PLIN3: variants seen among roughly 807,000 people sequenced by gnomAD.
The protein encoded by PLIN3 is perilipin-3.
Under a neutral mutation model 35.9 loss-of-function variants are expected in PLIN3, and 30 were observed. The ratio of observed to expected loss-of-function variants is 0.84; its 90% confidence interval spans 0.62 to 1.13. The LOEUF (loss-of-function observed/expected upper bound fraction) is 1.13. PLIN3 is among the 50% of genes most tolerant of loss of function. PLIN3 has a pLI of 0.00. For missense variants in PLIN3, 603 were observed against 596.9 expected (o/e 1.01, Z -0.11); for synonymous variants, 261 against 262.5 (o/e 0.99, Z 0.06).
chr19:4,848,462 G>C (rs2030180189), intron 5 of PLIN3, among the ~76,000 whole-genome samples: 1 of 152,228 alleles, frequency 6.6e-6, no homozygotes, highest in Non-Finnish European at 1.5e-5. Flanking sequence ...GGCCAGACCT[G>C]CCTTGGACAA....
intron 7 of PLIN3, among the ~76,000 whole-genome samples, chr19:4,843,316 G>C (rs907792695): frequency 4.6e-5 from 7 of 152,066 alleles, no homozygotes; most frequent in East Asian, 3.9e-4. Flanking sequence ...ACCATCCCGG[G>C]TAACACGGTG....
rs749785698 is a variant in PLIN3, at chr19:4,838,675, G to A, written c.*517C>T. On this transcript the variant is annotated 3_prime_UTR_variant, in exon 8 of 8. Transcript: ENST00000221957. ...GGCTCACTGCAACCTCCGCCTCTCA[G>A]GTTCAAGAGATTCTCTTGCCTCAGC... is the stretch of plus-strand genomic sequence containing the variant. The A allele has an allele frequency of 4.0e-5, 6 of 150,800 alleles. No homozygotes were observed. The highest frequency in any genetic ancestry group is 6.7e-5 in the Admixed American group (1 of 14,978). 9.3% of individuals were successfully genotyped at this position (150,800 alleles called of 1,614,324 possible). A position where few individuals can be genotyped will look rare whatever the true frequency, so the allele number is the denominator to read the frequency against.
chr19:4,856,706 T>G (rs1490995466), intron 4 of PLIN3, among the ~76,000 whole-genome samples: 2 of 126,402 alleles, frequency 1.6e-5, no homozygotes, highest in Non-Finnish European at 1.7e-5. Context: ...AAGGAGGGTG[T>G]TTTTTTTTTT....
chr19:4,851,706 G>A (rs570602269), intron 5 of PLIN3, among the ~76,000 whole-genome samples: 3 of 152,132 alleles, frequency 2.0e-5, no homozygotes, highest in Admixed American at 6.6e-5. Flanking sequence ...GGGCTGTGAC[G>A]AGGACTTGGG....
intron 5 of PLIN3, 100 bp downstream of exon 5, chr19:4,851,916 G>C (rs543999126): frequency 2.4e-6 from 3 of 1,258,732 alleles, no homozygotes; most frequent in Non-Finnish European, 3.3e-6. Flanking sequence ...GCAGGGACGA[G>C]GCGGCAGTGA....
rs756489296 is a variant in PLIN3 at position 4,847,872 on chromosome 19, A to G, written c.653T>C (p.Leu218Pro). The change falls in exon 6 of 8, where the codon CTG becomes CCG. Residue 218 changes from leucine to proline, a missense_variant. By Grantham distance (98) the Leu-to-Pro change is moderately conservative. Transcript: ENST00000221957. ...CACGGACGCGACGTCAAAGCCATCC[A>G]GGGATGTGGCGATGCGGGCTGCAAG... ...DAELARIATS[L>P]DGFDVASVQQ... 1.1e-5 allele frequency: 17 copies of G among 1,613,760 alleles called. No homozygotes were observed. The highest frequency in any genetic ancestry group is 1.4e-5 in the Non-Finnish European group (16 of 1,179,874).
intron 1 of PLIN3, among the ~76,000 whole-genome samples, chr19:4,864,923 G>A (rs1196432003): frequency 1.3e-5 from 2 of 152,120 alleles, no homozygotes; most frequent in African/African-American, 2.4e-5. Context: ...CGGGCATGGT[G>A]GCTCACACCT....
At chr19:4,853,114 T>C (rs1453799673) in intron 4 of PLIN3, among the ~76,000 whole-genome samples, 2 of 35,064 alleles carry the variant, frequency 5.7e-5, no homozygotes, top group Non-Finnish European at 1.1e-4. Flanking sequence ...ACTCTGCCTG[T>C]TTTTTGTTTT....
chr19:4,849,275 C>A (rs2030207546), intron 5 of PLIN3, among the ~76,000 whole-genome samples: 1 of 151,714 alleles, frequency 6.6e-6, no homozygotes, highest in Admixed American at 6.6e-5. Flanking sequence ...ACCTGGCTTC[C>A]TGTACCTTTT....
At chr19:4,849,482 AAATTT>A (rs941974417) in intron 5 of PLIN3, among the ~76,000 whole-genome samples, 1 of 151,420 alleles carries the variant, frequency 6.6e-6, no homozygotes, top group Non-Finnish European at 1.5e-5. Context: ...GCTAATTTTT[AAATTT>A]TTTGTAGAGA....
intron 4 of PLIN3, among the ~76,000 whole-genome samples, chr19:4,853,189 G>A (rs943810213): frequency 2.3e-4 from 34 of 150,718 alleles, no homozygotes; most frequent in Non-Finnish European, 4.4e-4. Context: ...GGTGGAGTGC[G>A]GTGGCACAAT....
At chr19:4,853,301 CT>C (rs2030365397) in intron 4 of PLIN3, among the ~76,000 whole-genome samples, 1 of 151,822 alleles carries the variant, frequency 6.6e-6, no homozygotes, top group Non-Finnish European at 1.5e-5. Context: ...CCACTCGTGG[CT>C]ATTTTTTATC....
At chr19:4,846,578 G>A (rs1470532871) in intron 6 of PLIN3, among the ~76,000 whole-genome samples, 5 of 151,804 alleles carry the variant, frequency 3.3e-5, no homozygotes, top group Non-Finnish European at 1.5e-5. Context: ...AAGTGCCTGT[G>A]ATCCCAGCTA....
chr19:4,861,441 C>T, intron 1 of PLIN3, 30 bp from the exon 2 acceptor site: 1 of 1,527,252 alleles, frequency 6.5e-7, no homozygotes, highest in Non-Finnish European at 9.0e-7. Flanking sequence ...CAGGTACAGC[C>T]TGCCTGGCCC....
rs866388841 is a variant in PLIN3, at chr19:4,846,918, T to C, written c.834+773A>G. 2.3e-3 allele frequency among the ~76,000 whole-genome samples: 350 copies of C among 149,390 alleles called. 5 individuals are homozygous for C. The highest frequency in any genetic ancestry group is 8.1e-3 in the African/African-American group (327 of 40,460). ...TTTTTTTTTTTTTTGAGATGGAGTC[T>C]CACTCTTGTCACCCAGGCTGGAGAG... On this transcript the variant is annotated intron_variant, in intron 6 of 7. Coordinates refer to ENST00000221957, the MANE Select transcript of PLIN3 (RefSeq NM_005817.5).
At chr19:4,863,698 A>G (rs1171045271) in intron 1 of PLIN3, among the ~76,000 whole-genome samples, 1 of 150,544 alleles carries the variant, frequency 6.6e-6, no homozygotes, top group Non-Finnish European at 1.5e-5. Context: ...GCACGCCTCC[A>G]TGTTTAGTTA....
rs1212723324 is a variant in PLIN3, at chr19:4,844,674, C to G, written c.954G>C (p.Lys318Asn). Residue 318 changes from lysine to asparagine, a missense_variant, in exon 7 of 8, where the codon AAG becomes AAC. By Grantham distance (94) the Lys-to-Asn change is moderately conservative (BLOSUM62 0). Transcript: ENST00000221957. ...QLQGPEKEPP[K>N]PEQVESRALT... ...CCAGTCCCCTCATGGGTACCTCTGG[C>G]TTGGGCGGCTCCTTCTCGGGGCCCT... The G allele has an allele frequency of 3.7e-6, 6 of 1,608,834 alleles. No individual in the cohort carries two copies. Among genetic ancestry groups the G allele is most frequent in the Non-Finnish European group, 5.1e-6 (6 of 1,178,110 alleles).
intron 1 of PLIN3, among the ~76,000 whole-genome samples, chr19:4,864,131 GT>G (rs2030768073): frequency 1.4e-5 from 2 of 140,824 alleles, no homozygotes; most frequent in Non-Finnish European, 1.6e-5. Flanking sequence ...GTGTGTGTGT[GT>G]GTGTGTGTGT....
At chr19:4,859,077 A>G (rs2030578744) in intron 4 of PLIN3, among the ~76,000 whole-genome samples, 1 of 152,142 alleles carries the variant, frequency 6.6e-6, no homozygotes, top group Non-Finnish European at 1.5e-5. Context: ...AGGTGGCAAC[A>G]TTCTGTGTAA....
Sources: gnomAD v4.1 joint callset for allele counts (sites outside exome capture counted in the v4.1 genomes callset) on GRCh38, gnomAD v4.1.1 for gene constraint, MANE v1.5 for transcripts, NCBI Gene and HGNC (gene_info 2026-07-23, HGNC 2026-07-21) for gene names.